Variants in WSCD2 observed in about 807,000 individuals in gnomAD.
WSCD2 encodes the protein sialate:O-sulfotransferase 2.
A neutral mutation model predicts 55.7 loss-of-function variants in WSCD2; 28 were observed. The observed-to-expected ratio is 0.50, with a 90% CI of 0.37 to 0.69. WSCD2 has a LOEUF of 0.69. Among genes scored for constraint, WSCD2 ranks in the 30% least tolerant of loss-of-function variants. The pLI is 0.00. For synonymous variants in WSCD2, 301 were observed against 301.9 expected (o/e 1.00, Z 0.03); for missense variants, 616 against 762.1 (o/e 0.81, Z 2.26).
At chr12:108,189,178 A>G (rs537566896) in intron 1 of WSCD2, among the ~76,000 whole-genome samples, 3 of 152,350 alleles carry the variant, frequency 2.0e-5, no homozygotes, top group Non-Finnish European at 4.4e-5. Flanking sequence ...AGAAATGAAT[A>G]CCACTGATAA....
intron 2 of WSCD2, among the ~76,000 whole-genome samples, chr12:108,205,665 CATCTT>C (rs916557330): frequency 1.3e-5 from 2 of 152,206 alleles, no homozygotes; most frequent in Non-Finnish European, 2.9e-5. Flanking sequence ...TTATTCTACT[CATCTT>C]AATTTGATGC....
intron 1 of WSCD2, among the ~76,000 whole-genome samples, chr12:108,133,862 G>A (rs1316827183): frequency 2.0e-5 from 3 of 152,362 alleles, no homozygotes; most frequent in Non-Finnish European, 4.4e-5. Context: ...ATTTTAGGCA[G>A]AAGGTCTGAA....
chr12:108,243,570 C>T (rs977285569), intron 8 of WSCD2, among the ~76,000 whole-genome samples: 5 of 152,160 alleles, frequency 3.3e-5, no homozygotes, highest in Non-Finnish European at 7.4e-5. Flanking sequence ...CAGGTGATAC[C>T]GATGAGCACC....
chr12:108,170,773 A>G (rs1880161144), intron 1 of WSCD2, among the ~76,000 whole-genome samples: 1 of 152,128 alleles, frequency 6.6e-6, no homozygotes, highest in African/African-American at 2.4e-5. Flanking sequence ...AAGAGGAAGT[A>G]TTTTTCTGAC....
In WSCD2 at chr12:108,240,545, G is replaced by A; in HGVS notation, c.1345+1G>A. The A allele has an allele frequency of 7.6e-7, 1 of 1,314,044 alleles. No individual in the cohort carries two copies. Among genetic ancestry groups the A allele is most frequent in the Non-Finnish European group, 1.0e-6 (1 of 982,752 alleles). The allele number at this position is 1,314,044 out of a possible 1,614,324, so 81.4% of individuals were successfully genotyped here. A position where few individuals can be genotyped will look rare whatever the true frequency, so the allele number is the denominator to read the frequency against. ...GCGCATGCCCACTGGAAGGGCAAAGGTACAGCTCGGGAGAGGAGGGGAGGG... is the reference window on the plus strand; with the variant it reads ...GCGCATGCCCACTGGAAGGGCAAAGATACAGCTCGGGAGAGGAGGGGAGGG... On this transcript the variant is annotated splice_donor_variant, in intron 8 of 8. Transcript: ENST00000547525. LOFTEE classifies it high-confidence loss of function.
chr12:108,195,739 C>T lies in WSCD2; in HGVS notation c.-94C>T, dbSNP rs987267858. 80 of 1,494,938 alleles carry T rather than the reference C, an allele frequency of 5.4e-5. No homozygotes were observed. The highest frequency in any genetic ancestry group is 6.5e-5 in the Non-Finnish European group (73 of 1,117,380). 92.6% of individuals were successfully genotyped at this position (1,494,938 alleles called of 1,614,324 possible). On this transcript the variant is annotated 5_prime_UTR_variant, in exon 2 of 9. Coordinates refer to ENST00000547525, the MANE Select transcript of WSCD2 (RefSeq NM_014653.4). The stretch of plus-strand genomic sequence containing the variant: ...TGAGACTGAGGACCCCCAAGTGTTC[C>T]ATCCCTAAGGAAAGCTTGGGAAACC...
At chr12:108,207,595 G>A (rs561221632) in intron 3 of WSCD2, among the ~76,000 whole-genome samples, 3 of 134,602 alleles carry the variant, frequency 2.2e-5, no homozygotes, top group South Asian at 4.7e-4. Flanking sequence ...CACCATGTTG[G>A]TCAGGATGGT....
intron 1 of WSCD2, among the ~76,000 whole-genome samples, chr12:108,180,959 G>C (rs1346627983): frequency 3.9e-5 from 6 of 152,252 alleles, no homozygotes; most frequent in Non-Finnish European, 5.9e-5. Flanking sequence ...GGGAAACCCA[G>C]CTCAGAGAGG....
chr12:108,150,656 C>G, intron 1 of WSCD2, among the ~76,000 whole-genome samples: 1 of 152,058 alleles, frequency 6.6e-6, no homozygotes, highest in East Asian at 1.9e-4. Context: ...CAGGCAGGAC[C>G]CCGATATGCA....
intron 1 of WSCD2, among the ~76,000 whole-genome samples, chr12:108,132,033 G>A (rs1875585574): frequency 6.6e-6 from 1 of 151,978 alleles, no homozygotes; most frequent in African/African-American, 2.4e-5. Context: ...GTGTCTTACA[G>A]CATTGTGTGT....
chr12:108,167,031 C>T (rs1178482865), intron 1 of WSCD2, among the ~76,000 whole-genome samples: 1 of 151,842 alleles, frequency 6.6e-6, no homozygotes, highest in Non-Finnish European at 1.5e-5. Context: ...AGGCTTGTCT[C>T]GAACTCCTGA....
At chr12:108,200,245 C>T (rs547378417) in intron 2 of WSCD2, among the ~76,000 whole-genome samples, 2 of 152,264 alleles carry the variant, frequency 1.3e-5, no homozygotes, top group Admixed American at 1.3e-4. Context: ...GTGTCAGGGA[C>T]TATTTGTCCA....
At chr12:108,154,493 C>A (rs1487468350) in intron 1 of WSCD2, among the ~76,000 whole-genome samples, 1 of 152,176 alleles carries the variant, frequency 6.6e-6, no homozygotes, top group Non-Finnish European at 1.5e-5. Context: ...ATGAGATAAT[C>A]CAGGATAATC....
In WSCD2 at chr12:108,210,259, CCTCT is replaced by C. The variant is rs780200449; in HGVS notation, c.639_642del (p.Val215ThrfsTer34). 4 of 1,608,312 alleles carry C rather than the reference CCTCT, an allele frequency of 2.5e-6. No individual in the cohort carries two copies. The highest frequency in any genetic ancestry group is 2.5e-6 in the Non-Finnish European group (3 of 1,177,530). On this transcript the variant is annotated frameshift_variant, in exon 4 of 9. Transcript: ENST00000547525. LOFTEE classifies it high-confidence loss of function. The surrounding 1 kb of genome is among the most constrained non-coding windows in gnomAD (Gnocchi z 4.3). ...GCAGCGTGTGCGGCGGCGCCAACCG[CCTCT>C]CTGTCTACCGGCTGCAGCTGGCCCA... is the stretch of plus-strand genomic sequence containing the variant.
intron 1 of WSCD2, among the ~76,000 whole-genome samples, chr12:108,136,326 T>G (rs1406922600): frequency 4.7e-5 from 1 of 21,216 alleles, no homozygotes; most frequent in African/African-American, 1.3e-4. Context: ...CTTAGTGGCC[T>G]TTAGCAAGTC....
At chr12:108,132,559 T>C (rs338164) in intron 1 of WSCD2, among the ~76,000 whole-genome samples, 137,049 of 152,246 alleles carry the variant, frequency 0.9, 61,895 homozygotes, top group African/African-American at 0.98. Flanking sequence ...AATTGGTGCA[T>C]TTGTGAATCG....
chr12:108,130,485 T>G (rs1461973173), intron 1 of WSCD2, among the ~76,000 whole-genome samples: 24 of 125,382 alleles, frequency 1.9e-4, no homozygotes, highest in Middle Eastern at 3.7e-3. Context: ...GGTGTGTGTG[T>G]GTGTGTGTGT....
chr12:108,162,225 T>C (rs951697027), intron 1 of WSCD2, among the ~76,000 whole-genome samples: 3 of 152,212 alleles, frequency 2.0e-5, no homozygotes, highest in African/African-American at 7.2e-5. Context: ...GGCCACGTTG[T>C]TCTCATTTCC....
chr12:108,158,656 TA>T (rs1415393833), intron 1 of WSCD2, among the ~76,000 whole-genome samples: 2 of 152,106 alleles, frequency 1.3e-5, no homozygotes, highest in Non-Finnish European at 2.9e-5. Flanking sequence ...CACAGCAGAA[TA>T]AACAGGGATG....
Sources: allele counts gnomAD v4.1 joint callset (sites outside exome capture counted in the v4.1 genomes callset), GRCh38; gene constraint gnomAD v4.1.1; non-coding constraint Gnocchi (gnomAD v3.1); transcripts MANE v1.5; gene names NCBI Gene and HGNC (gene_info 2026-07-23, HGNC 2026-07-21).